Variants in ATP2C2 observed in about 807,000 individuals in gnomAD.
ATP2C2 encodes the protein ATPase secretory pathway Ca2+ transporting 2, also known as calcium-transporting ATPase type 2C member 2.
A neutral mutation model predicts 110.8 loss-of-function variants in ATP2C2; 171 were observed. The ratio of observed to expected loss-of-function variants is 1.54; its 90% CI spans 1.36 to 1.75. The LOEUF (loss-of-function observed/expected upper bound fraction) is 1.75. Among genes scored for constraint, ATP2C2 ranks in the 40% most tolerant of loss-of-function variants. The pLI, the probability that ATP2C2 is intolerant of heterozygous loss-of-function variation, is 0.00. For synonymous variants in ATP2C2, 804 were observed against 508.4 expected (o/e 1.58, Z -7.82); for missense variants, 1,963 against 1,235.0 (o/e 1.59, Z -8.84).
At chr16:84,375,321 C>T (rs1346705170) in intron 1 of ATP2C2, among the ~76,000 whole-genome samples, 1 of 152,162 alleles carries the variant, frequency 6.6e-6, no homozygotes. Flanking sequence ...GTGCGTGGAT[C>T]ACTTGAGGTC....
Position 84,464,013 on chromosome 16 carries a change from C to T in ATP2C2, c.*281C>T, listed in dbSNP as rs1597899401. On this transcript the variant is annotated 3_prime_UTR_variant, in exon 27 of 27. Coordinates refer to ENST00000262429, the MANE Select transcript of ATP2C2 (RefSeq NM_014861.4). ...AATGATTTTTATTAACCATGTCTAACTACGTATCTGTGCCACAGCTTGCAG... is the reference window on the plus strand; with the variant it reads ...AATGATTTTTATTAACCATGTCTAATTACGTATCTGTGCCACAGCTTGCAG... 1 of 315,292 alleles carries T rather than the reference C, an allele frequency of 3.2e-6. No homozygotes were observed. Among genetic ancestry groups the T allele is most frequent in the African/African-American group, 2.1e-5 (1 of 47,236 alleles). 19.5% of individuals were successfully genotyped at this position (315,292 alleles called of 1,614,324 possible). A position where few individuals can be genotyped will look rare whatever the true frequency, so the allele number is the denominator to read the frequency against.
intron 20 of ATP2C2, among the ~76,000 whole-genome samples, 199 bp downstream of exon 20, chr16:84,453,570 A>T (rs1054904547): frequency 1.3e-5 from 2 of 152,170 alleles, no homozygotes; most frequent in African/African-American, 4.8e-5. Flanking sequence ...GCGCGTGGGC[A>T]GCTCCCTTGG....
intron 2 of ATP2C2, among the ~76,000 whole-genome samples, chr16:84,399,282 G>C (rs1179935059): frequency 6.6e-6 from 1 of 151,686 alleles, no homozygotes. Context: ...AATAACTCAA[G>C]TCTGTTTCAA....
At chr16:84,462,394 C>A (rs958154147) in intron 26 of ATP2C2, 17 of 397,688 alleles carry the variant, frequency 4.3e-5, no homozygotes, top group Admixed American at 1.5e-4. Context: ...GCATCCCAGG[C>A]GTCGGGCTGG....
chr16:84,408,252 G>A (rs1231016287), intron 3 of ATP2C2, among the ~76,000 whole-genome samples, 153 bp from the exon 4 acceptor site: 1 of 151,554 alleles, frequency 6.6e-6, no homozygotes, highest in African/African-American at 2.4e-5. Flanking sequence ...CCACTGCATG[G>A]GGGTGGTCTC....
intron 11 of ATP2C2, among the ~76,000 whole-genome samples, chr16:84,434,142 G>A (rs1424189242): frequency 6.6e-6 from 1 of 152,060 alleles, no homozygotes; most frequent in Non-Finnish European, 1.5e-5. Flanking sequence ...CCTGGGTCGG[G>A]CACGGTGGCT....
intron 7 of ATP2C2, among the ~76,000 whole-genome samples, chr16:84,418,377 C>T (rs1907024816): frequency 6.6e-6 from 1 of 152,148 alleles, no homozygotes; most frequent in Non-Finnish European, 1.5e-5. Context: ...CACCAGAAGC[C>T]CCTCCTGCCC....
intron 13 of ATP2C2, 36 bp from the exon 14 acceptor site, chr16:84,440,821 T>G (rs1455931462): frequency 1.9e-6 from 3 of 1,545,856 alleles, no homozygotes; most frequent in Non-Finnish European, 2.7e-6. Context: ...TGTTTTTGAC[T>G]CTTGGCGAAA....
At chr16:84,410,942 G>GCATGT (rs1199244824) in intron 6 of ATP2C2, 177 bp downstream of exon 6, 3 of 646,396 alleles carry the variant, frequency 4.6e-6, no homozygotes, top group Non-Finnish European at 8.2e-6. Flanking sequence ...GTGTCCTCGG[G>GCATGT]CATGTCACTC....
rs561753696 is a variant in ATP2C2, at chr16:84,371,295, T to A, written c.99+2581T>A. On this transcript the variant is annotated intron_variant, in intron 1 of 26. Coordinates refer to ENST00000262429, the MANE Select transcript of ATP2C2 (RefSeq NM_014861.4). Reference sequence around the variant, plus strand: ...ACTTTGGAAGACTGAGGCAGGAGGGTCACTTGAACCCCAGAGTTCAAGATC... The same window carrying A: ...ACTTTGGAAGACTGAGGCAGGAGGGACACTTGAACCCCAGAGTTCAAGATC... Among the ~76,000 whole-genome samples, 9 of 152,170 alleles carry A rather than the reference T, an allele frequency of 5.9e-5. No homozygotes were observed. The East Asian group carries it at 9.6e-4, about 16-fold the overall frequency.
At chr16:84,450,332 G>C (rs113233942) in intron 17 of ATP2C2, among the ~76,000 whole-genome samples, 4 of 152,274 alleles carry the variant, frequency 2.6e-5, no homozygotes, top group African/African-American at 9.6e-5. Flanking sequence ...TGGCAGGCCT[G>C]GGACAGTGCC....
chr16:84,414,805 G>A (rs1906687680), intron 6 of ATP2C2, among the ~76,000 whole-genome samples: 2 of 152,170 alleles, frequency 1.3e-5, no homozygotes, highest in African/African-American at 2.4e-5. Flanking sequence ...GCTGGCCGTG[G>A]AGGAGATCTT....
At chr16:84,440,828 G>C in intron 13 of ATP2C2, 29 bp from the exon 14 acceptor site, 1 of 1,575,454 alleles carries the variant, frequency 6.3e-7, no homozygotes, top group Non-Finnish European at 8.7e-7. Context: ...GACTCTTGGC[G>C]AAACCCTTTC....
chr16:84,461,134 C>T (rs896162104), intron 24 of ATP2C2: 2 of 330,804 alleles, frequency 6.0e-6, no homozygotes, highest in South Asian at 4.7e-5. Flanking sequence ...TGCTAAATAT[C>T]CTCCTGTGTT....
At chr16:84,445,389 T>C (rs1343385026) in intron 15 of ATP2C2, among the ~76,000 whole-genome samples, 1 of 152,044 alleles carries the variant, frequency 6.6e-6, no homozygotes. Context: ...TTTGTATTTT[T>C]AGTAGAGACA....
chr16:84,453,656 G>A (rs1291094825), intron 20 of ATP2C2, among the ~76,000 whole-genome samples: 2 of 152,162 alleles, frequency 1.3e-5, no homozygotes, highest in South Asian at 2.1e-4. Flanking sequence ...ACGGGCCCAG[G>A]TTTAGCTGCA....
At chr16:84,405,265 C>G in intron 3 of ATP2C2, 21 bp downstream of exon 3, 4 of 1,591,060 alleles carry the variant, frequency 2.5e-6, no homozygotes, top group African/African-American at 1.3e-5. Flanking sequence ...AGGTGTCATT[C>G]TTTGCATTAA....
At chr16:84,427,265 A>C (rs72806608) in intron 11 of ATP2C2, among the ~76,000 whole-genome samples, 3 of 152,084 alleles carry the variant, frequency 2.0e-5, no homozygotes, top group Non-Finnish European at 4.4e-5. Context: ...CAGCTCATTA[A>C]AGAATAAACA....
In ATP2C2 at chr16:84,460,384, G is replaced by T; in HGVS notation, c.2334-270G>T. On this transcript the variant is annotated intron_variant, in intron 23 of 26. Transcript: ENST00000262429. ...CCTCGGGGTGATGGAGATCATCTGG[G>T]TGTATGGAACTGTGTGTGGTTGGCC... 9.6e-6 allele frequency: 5 copies of T among 523,446 alleles called. No homozygotes were observed. The South Asian group carries it at 1.1e-4, about 11-fold the overall frequency. The allele number at this position is 523,446 out of a possible 1,614,324, so 32.4% of individuals were successfully genotyped here.
Sources: allele counts gnomAD v4.1 joint callset (sites outside exome capture counted in the v4.1 genomes callset), GRCh38; gene constraint gnomAD v4.1.1; transcripts MANE v1.5; gene names NCBI Gene and HGNC (gene_info 2026-07-23, HGNC 2026-07-21).